P2RX1: variants seen among roughly 807,000 people sequenced by gnomAD.
The protein encoded by P2RX1 is purinergic receptor P2X 1.
Under a neutral mutation model 50.3 loss-of-function variants are expected in P2RX1, and 42 were observed. The observed-to-expected ratio is 0.83, with a 90% CI of 0.65 to 1.08. The LOEUF is 1.08. P2RX1 is among the 50% of genes least tolerant of loss of function. P2RX1 has a pLI of 0.00. For missense variants in P2RX1, 449 were observed against 529.0 expected, an observed-to-expected ratio of 0.85 and a Z score of 1.48; for synonymous variants, 199 against 202.6, an observed-to-expected ratio of 0.98 and a Z score of 0.15.
intron 1 of P2RX1, among the ~76,000 whole-genome samples, chr17:3,910,251 A>T (rs1159695653): frequency 2.0e-5 from 3 of 152,188 alleles, no homozygotes; most frequent in Admixed American, 6.5e-5. Flanking sequence ...CTGGGATTAC[A>T]GGCATGAGCC....
intron 7 of P2RX1, among the ~76,000 whole-genome samples, chr17:3,902,715 C>G (rs1567651148): frequency 6.6e-6 from 1 of 151,954 alleles, no homozygotes; most frequent in African/African-American, 2.4e-5. Context: ...TCAAGTGATT[C>G]TCCTGCCTCA....
At chr17:3,904,605 T>C in intron 3 of P2RX1, 1 of 634,040 alleles carries the variant, frequency 1.6e-6, no homozygotes, top group Non-Finnish European at 2.8e-6. Flanking sequence ...AGCTGCCCAC[T>C]GCCAATGTCA....
chr17:3,904,073 C>T (rs749915096), intron 4 of P2RX1, 49 bp from the exon 5 acceptor site: 27 of 1,431,346 alleles, frequency 1.9e-5, no homozygotes, highest in Admixed American at 6.7e-5. Flanking sequence ...CAGAGGAGGC[C>T]GCCCCAGACC....
At chr17:3,908,996 A>G (rs76230799) in intron 1 of P2RX1, among the ~76,000 whole-genome samples, 4,139 of 152,194 alleles carry the variant, frequency 0.027, 196 homozygotes, top group African/African-American at 0.094. Context: ...CCCAGGAGAC[A>G]GAAGCATCTA....
At chr17:3,902,911 G>A (rs2056178241) in intron 7 of P2RX1, among the ~76,000 whole-genome samples, 1 of 150,176 alleles carries the variant, frequency 6.7e-6, no homozygotes, top group South Asian at 2.1e-4. Context: ...ACCTGACCAA[G>A]CTGCTTTTAT....
chr17:3,906,325 G>A (rs926827316), intron 1 of P2RX1, among the ~76,000 whole-genome samples: 27 of 152,144 alleles, frequency 1.8e-4, no homozygotes, highest in Non-Finnish European at 2.8e-4. Context: ...TAGAGATGGG[G>A]TTTCACCGTG....
intron 9 of P2RX1, 150 bp downstream of exon 9, chr17:3,898,784 G>A: frequency 1.3e-6 from 1 of 797,314 alleles, no homozygotes; most frequent in Non-Finnish European, 2.3e-6. Flanking sequence ...GCCCTGCTCT[G>A]GACATGCCCC....
Position 3,905,273 on chromosome 17 carries a change from G to A in P2RX1, c.232C>T (p.Pro78Ser). 6.2e-7 allele frequency: 1 copy of A among 1,613,872 alleles called. No homozygotes were observed. Among genetic ancestry groups the A allele is most frequent in the Non-Finnish European group, 8.5e-7 (1 of 1,180,008 alleles). ...KLKGLAVTQL[P>S]GLGPQVWDVA... ...TCCCAGACCTGGGGGCCGAGGCCAGGGAGCTGGGTCACGGCCAGGCCCTTG... is the reference window on the plus strand; with the variant it reads ...TCCCAGACCTGGGGGCCGAGGCCAGAGAGCTGGGTCACGGCCAGGCCCTTG... Residue 78 changes from proline (P) to serine (S), a missense_variant, in exon 2 of 12, where the codon CCT (proline) becomes TCT (serine). By Grantham distance (74) the Pro-to-Ser change is moderately conservative. Transcript: ENST00000225538.
At position 3,903,231 on chromosome 17, in the gene P2RX1, C is replaced by T; in HGVS notation, c.718G>A (p.Gly240Ser). Residue 240 changes from glycine to serine, a missense_variant, in exon 7 of 12, where the codon GGC becomes AGC. Coordinates refer to ENST00000225538, the MANE Select transcript of P2RX1 (RefSeq NM_002558.4). This position sits in a 1 kb window ranked among gnomAD's most constrained non-coding sequence, Gnocchi z 4.6. ...FQLGYVVQES[G>S]QNFSTLAEKG... ...TCAGCCAGGGTGCTGAAGTTCTGGC[C>T]TGACTCTTGCACCACGTAGCCAAGC... 1 of 1,614,168 alleles carries T rather than the reference C, an allele frequency of 6.2e-7. No individual in the cohort carries two copies. The highest frequency in any genetic ancestry group is 8.5e-7 in the Non-Finnish European group (1 of 1,180,042).
chr17:3,910,770 C>T (rs1208791915), intron 1 of P2RX1, among the ~76,000 whole-genome samples: 1 of 152,174 alleles, frequency 6.6e-6, no homozygotes, highest in Non-Finnish European at 1.5e-5. Flanking sequence ...CCCTGAGGCC[C>T]CCATGCAACC....
rs1008972156 is a variant in P2RX1 at position 3,914,335 on chromosome 17, G to T, written c.137+1754C>A. ...AAACTGATTAGACAGTCTTGGGAGG[G>T]AAGACAGGCAGGAGGACGGTAGTGA... On this transcript the variant is annotated intron_variant, in intron 1 of 11. Coordinates refer to ENST00000225538, the MANE Select transcript of P2RX1 (RefSeq NM_002558.4). The surrounding 1 kb of genome is among the most constrained non-coding windows in gnomAD (Gnocchi z 4.1). 2.0e-5 allele frequency among the ~76,000 whole-genome samples: 3 copies of T among 152,018 alleles called. No homozygotes were observed. The highest frequency in any genetic ancestry group is 7.3e-5 in the African/African-American group (3 of 41,374).
At chr17:3,915,512 A>G (rs550986133) in intron 1 of P2RX1, 124 of 456,584 alleles carry the variant, frequency 2.7e-4, no homozygotes, top group African/African-American at 2.2e-3. Context: ...CCAGAAAGGA[A>G]CTATCATCCC....
chr17:3,907,235 C>T (rs1269723043), intron 1 of P2RX1, among the ~76,000 whole-genome samples: 3 of 151,890 alleles, frequency 2.0e-5, no homozygotes, highest in African/African-American at 4.8e-5. Context: ...TAACACTCCT[C>T]TCCAGGCTGT....
Position 3,897,376 on chromosome 17 carries a change from G to A in P2RX1, c.*438C>T, listed in dbSNP as rs1032777447. ...CTACTGAGCAGTTGAAATGTGGCTA[G>A]TTCAGCCGAGGAATTGAATTTTGTG... On this transcript the variant is annotated 3_prime_UTR_variant, in exon 12 of 12. Transcript: ENST00000225538. 6 of 270,982 alleles carry A rather than the reference G, an allele frequency of 2.2e-5. No homozygotes were observed. The highest frequency in any genetic ancestry group is 4.4e-5 in the Non-Finnish European group (6 of 135,236). 16.8% of individuals were successfully genotyped at this position (270,982 alleles called of 1,614,324 possible).
intron 1 of P2RX1, among the ~76,000 whole-genome samples, chr17:3,912,225 C>G (rs961175926): frequency 1.3e-5 from 2 of 152,224 alleles, no homozygotes; most frequent in Non-Finnish European, 2.9e-5. Flanking sequence ...GTGTCTTCAT[C>G]CTGGAGGATC....
intron 1 of P2RX1, among the ~76,000 whole-genome samples, chr17:3,907,290 C>CGTGTGTGTGTGTGTGTGTGTGTGTGT (rs147411964): frequency 7.4e-5 from 10 of 134,432 alleles, no homozygotes; most frequent in South Asian, 2.6e-4. Flanking sequence ...TTCAGGGTAA[C>CGTGTGTGTGTGTGTGTGTGTGTGTGT]GTGTGTGTGT....
chr17:3,904,245 G>A (rs2056214423), intron 4 of P2RX1, 85 bp downstream of exon 4: 2 of 1,326,142 alleles, frequency 1.5e-6, no homozygotes, highest in African/African-American at 1.4e-5. Context: ...TGTGGAGAGA[G>A]GCAGGTCAGC....
intron 1 of P2RX1, 120 bp from the exon 2 acceptor site, chr17:3,905,487 C>A: frequency 8.3e-7 from 1 of 1,207,260 alleles, no homozygotes; most frequent in Non-Finnish European, 1.2e-6. Context: ...AAGCTCCTGT[C>A]TTGGGCTAGA....
At chr17:3,905,812 A>T (rs1300787287) in intron 1 of P2RX1, among the ~76,000 whole-genome samples, 1 of 145,148 alleles carries the variant, frequency 6.9e-6, no homozygotes, top group Non-Finnish European at 1.5e-5. Context: ...GCGCTATTGC[A>T]CTCCAGCCTG....
Sources: gnomAD v4.1 joint callset for allele counts (sites outside exome capture counted in the v4.1 genomes callset) on GRCh38, gnomAD v4.1.1 for gene constraint, Gnocchi (gnomAD v3.1) non-coding constraint, MANE v1.5 for transcripts, NCBI Gene and HGNC (gene_info 2026-07-23, HGNC 2026-07-21) for gene names.